CATSPERT: variants seen among roughly 807,000 people sequenced by gnomAD.
The protein encoded by CATSPERT is cation channel sperm-associated targeting subunit tau.
At chr2:201,563,322 C>A in the CATSPERT span, among the ~76,000 whole-genome samples, 2 of 127,700 alleles carry the variant, frequency 1.6e-5, 1 homozygote, top group Non-Finnish European at 3.3e-5. Flanking sequence ...GGGGGGCTGA[C>A]CCCCCCACCT....
At chr2:201,537,920 A>T in the CATSPERT span, among the ~76,000 whole-genome samples, 1 of 152,034 alleles carries the variant, frequency 6.6e-6, no homozygotes, top group African/African-American at 2.4e-5. Flanking sequence ...GGAAAACCTA[A>T]AAGGGACAAA....
At chr2:201,562,048 GC>G in the CATSPERT span, among the ~76,000 whole-genome samples, 1 of 151,830 alleles carries the variant, frequency 6.6e-6, no homozygotes, top group African/African-American at 2.4e-5. Context: ...TTTACAAATG[GC>G]TGCCATCTTT....
At chr2:201,560,688 A>C in the CATSPERT span, among the ~76,000 whole-genome samples, 2 of 152,096 alleles carry the variant, frequency 1.3e-5, no homozygotes, top group Admixed American at 6.5e-5. Flanking sequence ...TAATCACAAG[A>C]AACTGAATTC....
chr2:201,518,674 G>A, the CATSPERT span, among the ~76,000 whole-genome samples: 84 of 152,202 alleles, frequency 5.5e-4, no homozygotes, highest in Non-Finnish European at 6.5e-4. Flanking sequence ...CGCAATGTTT[G>A]GAACAGCTAA....
chr2:201,502,280 A>T, the CATSPERT span, among the ~76,000 whole-genome samples: 1 of 152,176 alleles, frequency 6.6e-6, no homozygotes, highest in Non-Finnish European at 1.5e-5. Context: ...TCATAGTCTA[A>T]TAAGAAGTCT....
the CATSPERT span, among the ~76,000 whole-genome samples, chr2:201,582,575 T>A: frequency 5.3e-5 from 8 of 152,154 alleles, no homozygotes; most frequent in Non-Finnish European, 1.0e-4. Flanking sequence ...TCAAAGATAA[T>A]CAACTACCCA....
At chr2:201,504,124 T>C in the CATSPERT span, among the ~76,000 whole-genome samples, 1 of 152,236 alleles carries the variant, frequency 6.6e-6, no homozygotes, top group African/African-American at 2.4e-5. Context: ...TCTTTACAGT[T>C]ATCTGGAGCT....
At chr2:201,495,303 C>T in the CATSPERT span, among the ~76,000 whole-genome samples, 1 of 152,026 alleles carries the variant, frequency 6.6e-6, no homozygotes, top group African/African-American at 2.4e-5. Context: ...TGAGCTCCAC[C>T]CAGTCCTTAA....
At chr2:201,491,491 T>C in the CATSPERT span, 16 of 1,536,576 alleles carry the variant, frequency 1.0e-5, no homozygotes, top group Non-Finnish European at 1.4e-5. Context: ...TTCTTTTTTG[T>C]ATTGTGCAAA....
At chr2:201,550,966 GT>G in the CATSPERT span, 1 of 152,110 alleles carries the variant, frequency 6.6e-6, no homozygotes, top group Non-Finnish European at 1.5e-5. Context: ...TCAACCCATA[GT>G]GGCTGCAGCT....
chr2:201,489,239 A>G, the CATSPERT span, among the ~76,000 whole-genome samples: 2 of 152,234 alleles, frequency 1.3e-5, no homozygotes, highest in African/African-American at 4.8e-5. Flanking sequence ...CTCTTAGGAT[A>G]AGGGTTCTGA....
the CATSPERT span, among the ~76,000 whole-genome samples, chr2:201,568,421 CA>C: frequency 6.6e-6 from 1 of 152,112 alleles, no homozygotes; most frequent in African/African-American, 2.4e-5. Flanking sequence ...CCTTGTCAGC[CA>C]AAAGCAAACT....
the CATSPERT span, among the ~76,000 whole-genome samples, chr2:201,611,687 T>C: frequency 1.2e-5 from 1 of 84,754 alleles, no homozygotes; most frequent in African/African-American, 3.4e-5. Context: ...CAAAAAGCAC[T>C]ATCAACAGTC....
At chr2:201,531,911 AGAG>A in the CATSPERT span, among the ~76,000 whole-genome samples, 1 of 152,216 alleles carries the variant, frequency 6.6e-6, no homozygotes, top group East Asian at 1.9e-4. Flanking sequence ...AATACTGATC[AGAG>A]GAGTGACATG....
the CATSPERT span, among the ~76,000 whole-genome samples, chr2:201,580,895 A>G: frequency 1.3e-5 from 2 of 152,196 alleles, no homozygotes; most frequent in Non-Finnish European, 2.9e-5. Context: ...TCTAAAAGAC[A>G]CATGCACAAG....
chr2:201,547,123 G>C, the CATSPERT span, among the ~76,000 whole-genome samples: 1 of 152,084 alleles, frequency 6.6e-6, no homozygotes, highest in South Asian at 2.1e-4. Context: ...GGCTAGTGGA[G>C]GGGATGGAAA....
the CATSPERT span, among the ~76,000 whole-genome samples, chr2:201,539,535 T>A: frequency 1.0e-5 from 1 of 97,442 alleles, no homozygotes; most frequent in Admixed American, 1.3e-4. Flanking sequence ...TTTTTGTAAA[T>A]CTTTGCCCAC....
the CATSPERT span, chr2:201,491,944 G>T: frequency 1.3e-6 from 2 of 1,536,880 alleles, no homozygotes; most frequent in South Asian, 1.2e-5. Flanking sequence ...TATTTCTGAT[G>T]ACTTACTTAA....
chr2:201,555,376 A>T, the CATSPERT span: 1 of 152,082 alleles, frequency 6.6e-6, no homozygotes, highest in Non-Finnish European at 1.5e-5. Context: ...TTAGCCAGGC[A>T]TGGTAGCGCA....
Sources: gnomAD v4.1 joint callset for allele counts (sites outside exome capture counted in the v4.1 genomes callset) on GRCh38, gnomAD v4.1.1 for gene constraint, MANE v1.5 for transcripts, NCBI Gene and HGNC (gene_info 2026-07-23, HGNC 2026-07-21) for gene names.